The following KLHL13 variants were observed in gnomAD, a reference collection of about 807,000 sequenced individuals.
KLHL13 encodes the protein kelch-like protein 13.
Under a neutral mutation model 37.1 loss-of-function variants are expected in KLHL13, and 10 were observed. The ratio of observed to expected loss-of-function variants is 0.27; its 90% confidence interval spans 0.17 to 0.46. The LOEUF (loss-of-function observed/expected upper bound fraction) is 0.46. Ranked by LOEUF, KLHL13 falls within the 20% of genes least tolerant of loss-of-function variation. KLHL13 has a pLI of 1.00. For synonymous variants in KLHL13, 163 were observed against 181.2 expected (o/e 0.90, Z 0.81); for missense variants, 360 against 509.3 (o/e 0.71, Z 2.82).
chrX:118,088,765 AT>A (rs2046630233), intron 1 of KLHL13, among the ~76,000 whole-genome samples: 1 of 111,606 alleles, frequency 9.0e-6, no homozygotes, highest in Admixed American at 9.6e-5. Context: ...AGGTAGATGC[AT>A]TTTTTTCCTT....
intron 2 of KLHL13, among the ~76,000 whole-genome samples, chrX:117,923,836 T>C (rs1435959951): frequency 8.9e-6 from 1 of 111,763 alleles, no homozygotes; most frequent in Non-Finnish European, 1.9e-5. Context: ...TTTTATCATT[T>C]TGTGTCCCTT....
chrX:117,993,737 CTTT>C (rs754543852), intron 1 of KLHL13, among the ~76,000 whole-genome samples: 2 of 94,357 alleles, frequency 2.1e-5, no homozygotes, highest in Non-Finnish European at 2.2e-5. Flanking sequence ...TTATCTGTTG[CTTT>C]TTTTTTTTTT....
intron 4 of KLHL13, among the ~76,000 whole-genome samples, chrX:117,918,505 A>T (rs1218449039): frequency 9.0e-6 from 1 of 111,640 alleles, no homozygotes; most frequent in African/African-American, 3.3e-5. Flanking sequence ...TGAGTTAGAA[A>T]ATATACCAAA....
intron 1 of KLHL13, among the ~76,000 whole-genome samples, chrX:117,990,066 T>C (rs1218747909): frequency 9.0e-6 from 1 of 111,543 alleles, no homozygotes; most frequent in Non-Finnish European, 1.9e-5. Flanking sequence ...CATGCCTAAC[T>C]ACACTTTTCT....
chrX:117,956,318 C>A (rs2147843405), intron 1 of KLHL13, among the ~76,000 whole-genome samples: 1 of 111,294 alleles, frequency 9.0e-6, no homozygotes, highest in East Asian at 2.8e-4. Flanking sequence ...AGGGGCTATT[C>A]CAAATTATAA....
chrX:117,969,306 A>G (rs933394784), intron 1 of KLHL13, among the ~76,000 whole-genome samples: 1 of 112,059 alleles, frequency 8.9e-6, no homozygotes, highest in African/African-American at 3.2e-5. Flanking sequence ...TGTCCTTAGC[A>G]TCTAACAAGG....
intron 1 of KLHL13, among the ~76,000 whole-genome samples, chrX:117,953,304 G>A (rs1269550251): frequency 9.1e-6 from 1 of 110,034 alleles, no homozygotes; most frequent in Non-Finnish European, 1.9e-5. Flanking sequence ...CTATCGCAAG[G>A]AAAAAAACCA....
chrX:118,090,474 AACAGAC>A (rs1436169350), intron 1 of KLHL13, among the ~76,000 whole-genome samples: 2 of 112,203 alleles, frequency 1.8e-5, no homozygotes, highest in African/African-American at 6.5e-5. Context: ...GAAGGATATC[AACAGAC>A]ACTTCTCAAA....
At chrX:117,959,655 G>A (rs768475293) in intron 1 of KLHL13, among the ~76,000 whole-genome samples, 2 of 111,992 alleles carry the variant, frequency 1.8e-5, no homozygotes, top group African/African-American at 6.5e-5. Context: ...TCTCTTTCAA[G>A]GTAAATGGTA....
intron 1 of KLHL13, among the ~76,000 whole-genome samples, chrX:118,043,272 G>A (rs2054524741): frequency 9.0e-6 from 1 of 111,685 alleles, no homozygotes; most frequent in Admixed American, 9.5e-5. Context: ...GAAAGTACAG[G>A]ATCAGATGGC....
chrX:118,092,910 T>C (rs2055154074), intron 1 of KLHL13, among the ~76,000 whole-genome samples: 1 of 112,094 alleles, frequency 8.9e-6, no homozygotes, highest in Non-Finnish European at 1.9e-5. Flanking sequence ...CATGTGAATC[T>C]GTAATTATTT....
intron 1 of KLHL13, among the ~76,000 whole-genome samples, chrX:118,100,493 G>A (rs1289038459): frequency 9.0e-6 from 1 of 111,465 alleles, no homozygotes; most frequent in Non-Finnish European, 1.9e-5. Flanking sequence ...AGTATATCAT[G>A]TTTTTGCTTT....
At chrX:118,003,740 G>T (rs2053951203) in intron 1 of KLHL13, among the ~76,000 whole-genome samples, 1 of 110,700 alleles carries the variant, frequency 9.0e-6, no homozygotes, top group African/African-American at 3.3e-5. Context: ...TCCAGTACAA[G>T]GGTAGTAATC....
chrX:117,923,535 C>A (rs1358346554), intron 2 of KLHL13, among the ~76,000 whole-genome samples: 1 of 112,326 alleles, frequency 8.9e-6, no homozygotes, highest in African/African-American at 3.2e-5. Flanking sequence ...CAAAAACAAA[C>A]AAACAAACAA....
At chrX:118,028,223 A>AT (rs2054295279) in intron 1 of KLHL13, among the ~76,000 whole-genome samples, 1 of 111,082 alleles carries the variant, frequency 9.0e-6, no homozygotes, top group African/African-American at 3.3e-5. Flanking sequence ...TATATTCTCT[A>AT]TTTTTTCATT....
chrX:118,043,890 T>C (rs1451845795), intron 1 of KLHL13, among the ~76,000 whole-genome samples: 3 of 111,376 alleles, frequency 2.7e-5, no homozygotes, highest in African/African-American at 9.8e-5. Flanking sequence ...AAGTCCTAGA[T>C]AGAGCAACCA....
intron 1 of KLHL13, among the ~76,000 whole-genome samples, chrX:117,992,426 T>A (rs1426290920): frequency 9.0e-6 from 1 of 110,943 alleles, no homozygotes; most frequent in Admixed American, 9.6e-5. Flanking sequence ...CTAGAAACCA[T>A]GTATATTATG....
intron 1 of KLHL13, among the ~76,000 whole-genome samples, chrX:118,087,390 T>A (rs962214453): frequency 1.8e-5 from 2 of 108,696 alleles, no homozygotes; most frequent in Admixed American, 1.0e-4. Flanking sequence ...CTCTTTAAAA[T>A]ATATATATAT....
intron 1 of KLHL13, among the ~76,000 whole-genome samples, chrX:118,094,235 T>C (rs2055173577): frequency 1.8e-5 from 2 of 110,853 alleles, no homozygotes; most frequent in Admixed American, 1.9e-4. Flanking sequence ...GAGAAATATG[T>C]GACGAATGCA....
Sources: allele counts gnomAD v4.1 joint callset (sites outside exome capture counted in the v4.1 genomes callset), GRCh38; gene constraint gnomAD v4.1.1; transcripts MANE v1.5; gene names NCBI Gene and HGNC (gene_info 2026-07-23, HGNC 2026-07-21).